The following PCDH17 variants were observed in gnomAD, a reference collection of about 807,000 sequenced individuals.
The protein encoded by PCDH17 is protocadherin-17.
PCDH17 carries 21 observed loss-of-function variants against 67.7 expected under a neutral mutation model. That is an observed-to-expected ratio of 0.31 (90% CI 0.22 to 0.45). The LOEUF is 0.45. Ranked by LOEUF, PCDH17 falls within the 20% of genes least tolerant of loss-of-function variation. The probability of loss-of-function intolerance (pLI) is 1.00; values close to 1 mark genes in which losing one functional copy is unlikely to be tolerated. For synonymous variants in PCDH17, 701 were observed against 656.7 expected, an observed-to-expected ratio of 1.07 and a Z score of -1.03; for missense variants, 1,471 against 1,564.8, an observed-to-expected ratio of 0.94 and a Z score of 1.01.
At chr13:57,630,422 T>C (rs1453857130), upstream of PCDH17, among the ~76,000 whole-genome samples, 5 of 151,166 alleles carry the variant, frequency 3.3e-5, no homozygotes, top group Admixed American at 6.6e-5. Context: ...ACTTTGTGAA[T>C]AGAAAAAATT....
In PCDH17 at chr13:57,633,722, A is replaced by G. The variant is rs753425923; in HGVS notation, c.1176A>G (p.Leu392=). ...GKNGQLQCRV[L]GGGGTGGGGG... ...ACGGACAGCTGCAGTGTCGGGTCCTAGGCGGAGGAGGGACGGGCGGCGGCG... is the reference window on the plus strand; with the variant it reads ...ACGGACAGCTGCAGTGTCGGGTCCTGGGCGGAGGAGGGACGGGCGGCGGCG... Residue 392 remains leucine (L), a synonymous_variant, in exon 1 of 4, where the codon CTA becomes CTG. Transcript: ENST00000377918. The surrounding 1 kb of genome is among the most constrained non-coding windows in gnomAD (Gnocchi z 6.2). 1.3e-6 allele frequency: 2 copies of G among 1,587,882 alleles called. No individual in the cohort carries two copies. The highest frequency in any genetic ancestry group is 1.7e-6 in the Non-Finnish European group (2 of 1,168,472).
intron 3 of PCDH17, among the ~76,000 whole-genome samples, chr13:57,690,087 A>G (rs7997006): frequency 3.0e-4 from 45 of 151,578 alleles, no homozygotes; most frequent in African/African-American, 1.0e-3. Context: ...CAGAATCTTC[A>G]CATAACCAGG....
At chr13:57,681,104 T>A (rs935276255) in intron 3 of PCDH17, among the ~76,000 whole-genome samples, 3 of 151,714 alleles carry the variant, frequency 2.0e-5, no homozygotes, top group African/African-American at 7.2e-5. Context: ...CTTTAAGAGA[T>A]GAAAACCTGA....
intron 3 of PCDH17, among the ~76,000 whole-genome samples, chr13:57,684,947 A>G (rs568192246): frequency 1.3e-5 from 2 of 151,936 alleles, no homozygotes; most frequent in South Asian, 2.1e-4. Flanking sequence ...AATAATGTCA[A>G]ACTACTCAAA....
At chr13:57,708,811 C>T (rs1955745186) in intron 3 of PCDH17, among the ~76,000 whole-genome samples, 1 of 151,912 alleles carries the variant, frequency 6.6e-6, no homozygotes. Flanking sequence ...AAGTTACTCT[C>T]ACTCACCAAC....
intron 3 of PCDH17, among the ~76,000 whole-genome samples, chr13:57,686,741 C>T (rs1348248662): frequency 6.6e-6 from 1 of 151,882 alleles, no homozygotes; most frequent in Non-Finnish European, 1.5e-5. Flanking sequence ...ACTACAGTTG[C>T]TAATGGTGTT....
chr13:57,658,894 C>T (rs932307822), intron 1 of PCDH17, among the ~76,000 whole-genome samples: 2 of 152,106 alleles, frequency 1.3e-5, no homozygotes, highest in African/African-American at 2.4e-5. Context: ...ATTCCCCTGC[C>T]TCAGCCGCCA....
intron 1 of PCDH17, among the ~76,000 whole-genome samples, chr13:57,651,035 C>G (rs1955030724): frequency 6.6e-6 from 1 of 152,214 alleles, no homozygotes; most frequent in East Asian, 1.9e-4. Context: ...ATCAAAATAT[C>G]ATTCTAAAAT....
At chr13:57,674,585 C>G (rs1955366403) in intron 3 of PCDH17, among the ~76,000 whole-genome samples, 1 of 151,910 alleles carries the variant, frequency 6.6e-6, no homozygotes, top group African/African-American at 2.4e-5. Context: ...CTTCAGCCTC[C>G]CAAAGTGCTG....
At position 57,728,975 on chromosome 13, in the gene PCDH17, A is replaced by G. The variant is rs1473496347; in HGVS notation, c.*3681A>G. ...CTGGCATAATATATGCCCAGTCATA[A>G]TAGTCTAATTATATTCTTTTGACAA... On this transcript the variant is annotated 3_prime_UTR_variant, in exon 4 of 4. Coordinates refer to ENST00000377918, the MANE Select transcript of PCDH17 (RefSeq NM_001040429.3). 1 of 152,296 alleles carries G rather than the reference A, an allele frequency of 6.6e-6. No individual in the cohort carries two copies. 9.4% of individuals were successfully genotyped at this position (152,296 alleles called of 1,614,324 possible).
chr13:57,699,933 A>G (rs1218123420), intron 3 of PCDH17, among the ~76,000 whole-genome samples: 1 of 152,142 alleles, frequency 6.6e-6, no homozygotes, highest in Non-Finnish European at 1.5e-5. Flanking sequence ...AAAGGATACT[A>G]AACTTGATCT....
At chr13:57,699,443 A>C (rs999100894) in intron 3 of PCDH17, among the ~76,000 whole-genome samples, 1 of 152,040 alleles carries the variant, frequency 6.6e-6, no homozygotes, top group Non-Finnish European at 1.5e-5. Context: ...AAATTTGCAC[A>C]TTACGTTTCT....
At chr13:57,704,178 C>G (rs906421677) in intron 3 of PCDH17, among the ~76,000 whole-genome samples, 1 of 152,050 alleles carries the variant, frequency 6.6e-6, no homozygotes, top group Non-Finnish European at 1.5e-5. Context: ...TAATCACAAC[C>G]CGGCTGTACC....
intron 3 of PCDH17, among the ~76,000 whole-genome samples, chr13:57,695,139 CT>C (rs1955594469): frequency 6.6e-6 from 1 of 150,590 alleles, no homozygotes; most frequent in Non-Finnish European, 1.5e-5. Context: ...TATGTTTTTC[CT>C]TTCTAAATAA....
At chr13:57,717,778 T>G (rs983932830) in intron 3 of PCDH17, among the ~76,000 whole-genome samples, 12 of 152,190 alleles carry the variant, frequency 7.9e-5, no homozygotes, top group African/African-American at 2.9e-4. Flanking sequence ...GAATAGCACT[T>G]CACAAAGTAA....
At chr13:57,718,355 C>T (rs1955841385) in intron 3 of PCDH17, among the ~76,000 whole-genome samples, 2 of 151,986 alleles carry the variant, frequency 1.3e-5, no homozygotes, top group South Asian at 4.1e-4. Flanking sequence ...TTTGAGACAA[C>T]TTACTTATCC....
At chr13:57,640,932 C>G (rs2137982777) in intron 1 of PCDH17, among the ~76,000 whole-genome samples, 1 of 152,028 alleles carries the variant, frequency 6.6e-6, no homozygotes, top group East Asian at 1.9e-4. Context: ...GAATGTATTC[C>G]CCTCAGTGGT....
rs149660014 is a variant in PCDH17 at position 57,718,539 on chromosome 13, C to T, written c.2798-6073C>T. ...TTAAGGTACCATTTATATGGAATGACTCACTCTATTATTATAACAAGTGTA... is the reference window on the plus strand; with the variant it reads ...TTAAGGTACCATTTATATGGAATGATTCACTCTATTATTATAACAAGTGTA... On this transcript the variant is annotated intron_variant, in intron 3 of 3. Transcript: ENST00000377918. 1.3e-4 allele frequency among the ~76,000 whole-genome samples: 20 copies of T among 152,038 alleles called. No homozygotes were observed. In the South Asian group the frequency reaches 2.5e-3, roughly 19 times the overall value.
At chr13:57,708,154 A>G (rs1309788593) in intron 3 of PCDH17, among the ~76,000 whole-genome samples, 2 of 152,028 alleles carry the variant, frequency 1.3e-5, no homozygotes, top group Admixed American at 1.3e-4. Context: ...TGTATCTAAA[A>G]TACATTAGAT....
Sources: allele counts gnomAD v4.1 joint callset (sites outside exome capture counted in the v4.1 genomes callset), GRCh38; gene constraint gnomAD v4.1.1; non-coding constraint Gnocchi (gnomAD v3.1); transcripts MANE v1.5; gene names NCBI Gene and HGNC (gene_info 2026-07-23, HGNC 2026-07-21).